HMGB1: variants seen among roughly 807,000 people sequenced by gnomAD.
HMGB1 encodes high mobility group box 1, also known as high mobility group protein B1.
For synonymous variants in HMGB1, 81 were observed against 84.0 expected, an observed-to-expected ratio of 0.96 and a Z score of 0.19; for missense variants, 79 against 253.5, an observed-to-expected ratio of 0.31 and a Z score of 4.67.
chr13:30,485,805 A>C (rs1887352028), intron 1 of HMGB1, among the ~76,000 whole-genome samples: 2 of 152,240 alleles, frequency 1.3e-5, no homozygotes, highest in South Asian at 4.1e-4. Flanking sequence ...ATAGTATTTT[A>C]AATACTCTTT....
intron 4 of HMGB1, 118 bp from the exon 5 acceptor site, chr13:30,461,651 T>C (rs961051944): frequency 1.9e-6 from 3 of 1,590,900 alleles, no homozygotes; most frequent in Non-Finnish European, 2.6e-6. Context: ...AAATATCACG[T>C]ATCTGTAGAT....
At chr13:30,492,236 T>G (rs1354257849) in intron 1 of HMGB1, among the ~76,000 whole-genome samples, 2 of 151,912 alleles carry the variant, frequency 1.3e-5, no homozygotes, top group African/African-American at 4.8e-5. Flanking sequence ...ATGCCTGTAA[T>G]TCCAGCAGTT....
chr13:30,461,832 G>C, intron 4 of HMGB1: 1 of 516,298 alleles, frequency 1.9e-6, no homozygotes, highest in South Asian at 2.1e-5. Flanking sequence ...AGAATGTAGA[G>C]ACTTTGATTA....
chr13:30,535,117 T>TA (rs1888583746), intron 1 of HMGB1, among the ~76,000 whole-genome samples: 1 of 152,222 alleles, frequency 6.6e-6, no homozygotes, highest in South Asian at 2.1e-4. Context: ...AATCTTTGGA[T>TA]AAGGAGGGTC....
At chr13:30,464,055 C>A in intron 1 of HMGB1, 1 of 963,396 alleles carries the variant, frequency 1.0e-6, no homozygotes, top group Non-Finnish European at 1.2e-6. Context: ...AACCAAAGGT[C>A]AGAAAACATG....
chr13:30,462,362 T>C lies in HMGB1; in HGVS notation c.471+176A>G, dbSNP rs574549621. The C allele has an allele frequency of 4.6e-5, 33 of 710,582 alleles. No homozygotes were observed. The South Asian group carries it at 4.7e-4, about 10-fold the overall frequency. 44.0% of individuals were successfully genotyped at this position (710,582 alleles called of 1,614,324 possible). ...CCTTTGTCTGAGTCTGATTACATTT[T>C]AGTCAAAAAAACCCTAATTTATTTG... On this transcript the variant is annotated intron_variant, in intron 4 of 4. Coordinates refer to ENST00000341423, the MANE Select transcript of HMGB1 (RefSeq NM_002128.7).
At chr13:30,465,053 G>A (rs1276451755) in intron 1 of HMGB1, 24 of 607,646 alleles carry the variant, frequency 3.9e-5, no homozygotes, top group Non-Finnish European at 4.5e-5. Context: ...TGTGAAAAGA[G>A]AGAGGAAAAA....
At chr13:30,493,493 A>G (rs968095307) in intron 1 of HMGB1, among the ~76,000 whole-genome samples, 1 of 152,150 alleles carries the variant, frequency 6.6e-6, no homozygotes, top group Admixed American at 6.5e-5. Flanking sequence ...TGGTGGGTTC[A>G]CAGATGTGTG....
chr13:30,598,828 T>C (rs1238929321), intron 1 of HMGB1, among the ~76,000 whole-genome samples: 1 of 152,186 alleles, frequency 6.6e-6, no homozygotes, highest in Non-Finnish European at 1.5e-5. Context: ...ATCCCTGATT[T>C]TTCTACAACA....
chr13:30,553,270 TA>T, intron 1 of HMGB1, among the ~76,000 whole-genome samples: 1 of 152,296 alleles, frequency 6.6e-6, no homozygotes, highest in Non-Finnish European at 1.5e-5. Context: ...CATTCCCAAA[TA>T]AACTCCCTAC....
intron 1 of HMGB1, among the ~76,000 whole-genome samples, chr13:30,471,771 C>T (rs1229867338): frequency 5.8e-5 from 8 of 137,288 alleles, no homozygotes; most frequent in South Asian, 2.4e-4. Context: ...CGGGTTCAAG[C>T]GATTCTCCTG....
At chr13:30,610,738 C>CAA (rs71192663) in intron 1 of HMGB1, among the ~76,000 whole-genome samples, 16 of 143,892 alleles carry the variant, frequency 1.1e-4, no homozygotes, top group South Asian at 4.4e-4. Flanking sequence ...TACACTAAAA[C>CAA]AAAAAAAAAA....
intron 1 of HMGB1, among the ~76,000 whole-genome samples, chr13:30,592,969 G>C (rs1288572243): frequency 6.6e-6 from 1 of 151,638 alleles, no homozygotes; most frequent in Non-Finnish European, 1.5e-5. Flanking sequence ...TTATCCCCCA[G>C]TCTCTGAAAG....
intron 1 of HMGB1, among the ~76,000 whole-genome samples, chr13:30,556,394 A>C (rs886832485): frequency 6.6e-6 from 1 of 152,196 alleles, no homozygotes; most frequent in African/African-American, 2.4e-5. Flanking sequence ...ACAAGAGAGA[A>C]ACTCTGTTTC....
intron 1 of HMGB1, among the ~76,000 whole-genome samples, chr13:30,563,430 A>G (rs1434672377): frequency 6.6e-6 from 1 of 152,120 alleles, no homozygotes; most frequent in African/African-American, 2.4e-5. Context: ...GCAACATAGC[A>G]AGATCCCATC....
intron 1 of HMGB1, among the ~76,000 whole-genome samples, chr13:30,538,493 T>TC (rs1491365391): frequency 1.3e-4 from 6 of 47,470 alleles, no homozygotes; most frequent in South Asian, 9.5e-4. Context: ...TTTCTTTCTT[T>TC]CTTTCTTTCT....
At chr13:30,487,364 G>A (rs1887387899) in intron 1 of HMGB1, among the ~76,000 whole-genome samples, 1 of 152,242 alleles carries the variant, frequency 6.6e-6, no homozygotes, top group Non-Finnish European at 1.5e-5. Flanking sequence ...AGCAGACTAG[G>A]AAGGATGGCT....
At chr13:30,539,572 C>G (rs1868767289) in intron 1 of HMGB1, 1 of 257,508 alleles carries the variant, frequency 3.9e-6, no homozygotes, top group African/African-American at 2.3e-5. Flanking sequence ...CCACAGAGCC[C>G]CAGAGTAGTG....
chr13:30,471,128 G>A (rs1489527429), intron 1 of HMGB1, among the ~76,000 whole-genome samples: 1 of 151,400 alleles, frequency 6.6e-6, no homozygotes, highest in African/African-American at 2.4e-5. Context: ...ACAGGCACGC[G>A]CCATGGCTAA....
Sources: allele counts gnomAD v4.1 joint callset (sites outside exome capture counted in the v4.1 genomes callset), GRCh38; gene constraint gnomAD v4.1.1; transcripts MANE v1.5; gene names NCBI Gene and HGNC (gene_info 2026-07-23, HGNC 2026-07-21).